The following EPS15 variants were observed in gnomAD, a reference collection of about 807,000 sequenced individuals.
The protein encoded by EPS15 is epidermal growth factor receptor substrate 15.
EPS15 carries 72 observed loss-of-function variants against 113.8 expected under a neutral mutation model. The observed-to-expected ratio is 0.63, with a 90% CI of 0.52 to 0.77. The LOEUF is 0.77. EPS15 is among the 30% of genes least tolerant of loss of function. The pLI is 0.00. For synonymous variants in EPS15, 344 were observed against 363.4 expected (o/e 0.95, Z 0.61); for missense variants, 1,048 against 1,045.8 (o/e 1.00, Z -0.03).
At position 51,363,980 on chromosome 1, in the gene EPS15, T is replaced by G; in HGVS notation, c.2245A>C (p.Asn749His). The change falls in exon 23 of 25, where the codon AAC becomes CAC. Residue 749 changes from asparagine to histidine, a missense_variant. Asn to His is a moderately conservative substitution (Grantham distance 68). Transcript: ENST00000371733. ...AATACATTTTTTGTAATCACTACGT[T>G]GCTGACAGAGCTCGATGTGGCTGAA... ...FRSATSSSVSNVVITKNVFEE... is the reference protein window; with the variant it reads ...FRSATSSSVSHVVITKNVFEE... 6.2e-7 allele frequency: 1 copy of G among 1,613,880 alleles called. No homozygotes were observed. Among genetic ancestry groups the G allele is most frequent in the Non-Finnish European group, 8.5e-7 (1 of 1,179,888 alleles).
intron 7 of EPS15, among the ~76,000 whole-genome samples, chr1:51,462,679 G>A (rs1416855739): frequency 6.6e-6 from 1 of 151,986 alleles, no homozygotes; most frequent in Non-Finnish European, 1.5e-5. Flanking sequence ...AAAAGACAGG[G>A]AATAAAGTTT....
At chr1:51,370,340 G>A (rs1479859909) in intron 21 of EPS15, among the ~76,000 whole-genome samples, 2 of 151,960 alleles carry the variant, frequency 1.3e-5, no homozygotes, top group Non-Finnish European at 2.9e-5. Flanking sequence ...GGAGTGTTTT[G>A]GATTTCAGAT....
chr1:51,360,507 G>A (rs1257749364), intron 24 of EPS15, among the ~76,000 whole-genome samples: 1 of 152,054 alleles, frequency 6.6e-6, no homozygotes, highest in Admixed American at 6.5e-5. Context: ...TGTTTCTAAC[G>A]ATCTTCCTAT....
At position 51,427,793 on chromosome 1, in the gene EPS15, A is replaced by AAAGCAC. The variant is rs1350469391; in HGVS notation, c.1041-5941_1041-5936dup. Among the ~76,000 whole-genome samples the AAAGCAC allele has an allele frequency of 2.6e-5, 4 of 152,332 alleles. No homozygotes were observed. The East Asian group carries it at 7.7e-4, about 29-fold the overall frequency. On this transcript the variant is annotated intron_variant, in intron 12 of 24. Transcript: ENST00000371733. ...TTCTACTAGAGAGAGCTTACGTAAG[A>AAAGCAC]AAGCACAGAAGATGTTGGCAAAACA... is the stretch of plus-strand genomic sequence containing the variant.
chr1:51,394,368 A>G lies in EPS15; in HGVS notation c.2119+13T>C. ...GTTTAATGTTCAATGAAGTTGATAA[A>G]TTATTTATTTACCTGAATCGCTTGC... On this transcript the variant is annotated intron_variant, in intron 21 of 24. Transcript: ENST00000371733. The G allele has an allele frequency of 6.4e-7, 1 of 1,557,090 alleles. No individual in the cohort carries two copies. The highest frequency in any genetic ancestry group is 8.8e-7 in the Non-Finnish European group (1 of 1,140,114).
intron 21 of EPS15, among the ~76,000 whole-genome samples, chr1:51,393,122 T>G (rs904542920): frequency 6.6e-6 from 1 of 152,248 alleles, no homozygotes; most frequent in Non-Finnish European, 1.5e-5. Context: ...TTGCTACTCA[T>G]GTTGGGAGTT....
Position 51,403,531 on chromosome 1 carries a change from G to A in EPS15, c.1679C>T (p.Ala560Val), listed in dbSNP as rs1450316531. ...AGGCAGTAGTTCAGGACTACTTCTT[G>A]CCTACAAAATATTAATGCAAGTAGA... ...ESEPIHQESP[A>V]RSSPELLPSG... The change falls in exon 17 of 25, where the codon GCA (alanine) becomes GTA (valine). Residue 560 changes from alanine (A) to valine (V), a missense_variant and splice_region_variant. Physicochemically the swap from Ala to Val is moderately conservative, Grantham distance 64 (BLOSUM62 0). Coordinates refer to ENST00000371733, the MANE Select transcript of EPS15 (RefSeq NM_001981.3). The A allele has an allele frequency of 1.3e-6, 2 of 1,546,862 alleles. No homozygotes were observed. The highest frequency in any genetic ancestry group is 1.9e-5 in the Admixed American group (1 of 53,462).
At chr1:51,507,009 G>A (rs1193876859) in intron 1 of EPS15, among the ~76,000 whole-genome samples, 1 of 152,072 alleles carries the variant, frequency 6.6e-6, no homozygotes, top group East Asian at 1.9e-4. Flanking sequence ...AATTAAATAT[G>A]CTCGGTTTAA....
chr1:51,476,164 G>A (rs2148516639), intron 2 of EPS15, among the ~76,000 whole-genome samples: 1 of 152,262 alleles, frequency 6.6e-6, no homozygotes, highest in East Asian at 1.9e-4. Context: ...GGCAATGTGG[G>A]CTCATTTTTG....
chr1:51,433,785 C>A (rs540332512), intron 12 of EPS15, among the ~76,000 whole-genome samples: 1 of 152,292 alleles, frequency 6.6e-6, no homozygotes, highest in East Asian at 1.9e-4. Flanking sequence ...AACAAACAGG[C>A]CTGACAGGAT....
chr1:51,430,788 T>C (rs1294217562), intron 12 of EPS15, among the ~76,000 whole-genome samples: 1 of 151,680 alleles, frequency 6.6e-6, no homozygotes, highest in Non-Finnish European at 1.5e-5. Context: ...CACCCACATC[T>C]CTATAAAATT....
intron 19 of EPS15, 98 bp from the exon 20 acceptor site, chr1:51,399,263 G>C: frequency 8.5e-7 from 1 of 1,171,888 alleles, no homozygotes; most frequent in African/African-American, 1.5e-5. Context: ...TTAAAAGACA[G>C]TCTGGGGCCA....
chr1:51,440,312 TG>T, intron 12 of EPS15, 34 bp downstream of exon 12: 1 of 776,844 alleles, frequency 1.3e-6, no homozygotes. Flanking sequence ...TGTGTGTGTG[TG>T]TATGTGAGTA....
chr1:51,499,326 CCTTTT>C (rs746242873), intron 1 of EPS15, among the ~76,000 whole-genome samples: 2 of 152,200 alleles, frequency 1.3e-5, no homozygotes, highest in East Asian at 1.9e-4. Context: ...TAATTTTAAT[CCTTTT>C]CTTTTATGCA....
At chr1:51,515,133 G>A (rs1036656000) in intron 1 of EPS15, among the ~76,000 whole-genome samples, 4 of 151,902 alleles carry the variant, frequency 2.6e-5, no homozygotes, top group African/African-American at 4.8e-5. Flanking sequence ...TAATTTCCAA[G>A]TTTTCTGTAA....
chr1:51,488,153 C>T (rs1258793529), intron 1 of EPS15, among the ~76,000 whole-genome samples: 1 of 152,024 alleles, frequency 6.6e-6, no homozygotes, highest in Non-Finnish European at 1.5e-5. Context: ...TATTTTCAAT[C>T]TAGAGAAAAA....
intron 12 of EPS15, among the ~76,000 whole-genome samples, chr1:51,425,786 A>T (rs542242345): frequency 6.6e-6 from 1 of 152,350 alleles, no homozygotes; most frequent in South Asian, 2.1e-4. Context: ...CTATCATCTT[A>T]GGATTTGCAA....
At chr1:51,414,848 T>C (rs1194925539) in intron 13 of EPS15, among the ~76,000 whole-genome samples, 1 of 152,190 alleles carries the variant, frequency 6.6e-6, no homozygotes, top group Admixed American at 6.5e-5. Flanking sequence ...ATATACAGTA[T>C]GATCACAAAT....
intron 15 of EPS15, 92 bp from the exon 16 acceptor site, chr1:51,406,200 G>T (rs940106761): frequency 1.9e-6 from 2 of 1,043,022 alleles, no homozygotes; most frequent in Non-Finnish European, 2.8e-6. Flanking sequence ...GACGGGCTAG[G>T]TGTGGTAGCT....
Sources: allele counts gnomAD v4.1 joint callset (sites outside exome capture counted in the v4.1 genomes callset), GRCh38; gene constraint gnomAD v4.1.1; transcripts MANE v1.5; gene names NCBI Gene and HGNC (gene_info 2026-07-23, HGNC 2026-07-21).